The following FAT1 variants were observed in gnomAD, a reference collection of about 807,000 sequenced individuals.
FAT1 encodes FAT atypical cadherin 1, also known as protocadherin Fat 1.
In FAT1, 171 loss-of-function variants were observed where a neutral mutation model predicts 329.8. The ratio of observed to expected loss-of-function variants is 0.52; its 90% CI spans 0.46 to 0.59. The LOEUF (loss-of-function observed/expected upper bound fraction) is 0.59. Ranked by LOEUF, FAT1 falls within the 20% of genes least tolerant of loss-of-function variation. FAT1 has a pLI of 0.00. For missense variants in FAT1, 5,672 were observed against 5,774.4 expected, an observed-to-expected ratio of 0.98 and a Z score of 0.57; for synonymous variants, 2,233 against 2,228.6, an observed-to-expected ratio of 1.00 and a Z score of -0.06.
At chr4:186,664,852 G>T (rs542826872) in intron 2 of FAT1, among the ~76,000 whole-genome samples, 1 of 152,250 alleles carries the variant, frequency 6.6e-6, no homozygotes, top group South Asian at 2.1e-4. Context: ...GAAGTTTCCC[G>T]TTAAACGCAA....
At position 186,589,005 on chromosome 4, in the gene FAT1, G is replaced by T; in HGVS notation, c.13354C>A (p.Pro4452Thr). ...FPAADELPPLPPEFSNQFESI... is the reference protein window; with the variant it reads ...FPAADELPPLTPEFSNQFESI... Reference sequence around the variant, plus strand: ...TCAAACTGATTGCTGAATTCGGGCGGTAACGGTGGTAGCTCATCAGCTGCG... The same window carrying T: ...TCAAACTGATTGCTGAATTCGGGCGTTAACGGTGGTAGCTCATCAGCTGCG... The change falls in exon 27 of 27, where the codon CCG (proline) becomes ACG (threonine). Residue 4452 changes from proline (P) to threonine (T), a missense_variant. Around this residue, in one of 2 missense-constraint regions of FAT1, gnomAD observed 1,706 missense variants for 1,859.1 expected, o/e 0.92. Transcript: ENST00000441802. The T allele has an allele frequency of 1.2e-6, 2 of 1,614,006 alleles. No homozygotes were observed. Among genetic ancestry groups the T allele is most frequent in the Non-Finnish European group, 8.5e-7 (1 of 1,179,896 alleles).
chr4:186,636,025 C>T lies in FAT1; in HGVS notation c.4183G>A (p.Gly1395Ser). 2 of 1,613,768 alleles carry T rather than the reference C, an allele frequency of 1.2e-6. No homozygotes were observed. The highest frequency in any genetic ancestry group is 1.7e-6 in the Non-Finnish European group (2 of 1,179,752). ...AACGAAAATGAGGGGGAATGCTTACCAGTGATGTCAAACCAAAGGGGTATG... is the reference window on the plus strand; with the variant it reads ...AACGAAAATGAGGGGGAATGCTTACTAGTGATGTCAAACCAAAGGGGTATG... ...PGIPLWFDIT[G>S]GNYDSHFDVD... The change falls in exon 6 of 27, where the codon GGT (glycine) becomes AGT (serine). Residue 1395 changes from glycine to serine, a missense_variant and splice_region_variant. Gly to Ser is a moderately conservative substitution (Grantham distance 56). Around this residue, in one of 2 missense-constraint regions of FAT1, gnomAD observed 3,966 missense variants for 3,915.2 expected, o/e 1.01. Transcript: ENST00000441802.
At chr4:186,685,774 T>C (rs1743427717) in intron 2 of FAT1, among the ~76,000 whole-genome samples, 1 of 152,204 alleles carries the variant, frequency 6.6e-6, no homozygotes, top group Non-Finnish European at 1.5e-5. Context: ...TGAGCATTGC[T>C]CTCTCTACTA....
intron 17 of FAT1, among the ~76,000 whole-genome samples, chr4:186,605,093 C>A (rs1739040031): frequency 6.6e-6 from 1 of 151,598 alleles, no homozygotes; most frequent in South Asian, 2.1e-4. Context: ...GTGGTGGGTG[C>A]CTGTAATCTC....
At chr4:186,627,082 C>A (rs1740346219) in intron 9 of FAT1, among the ~76,000 whole-genome samples, 1 of 115,954 alleles carries the variant, frequency 8.6e-6, no homozygotes, top group Admixed American at 9.2e-5. Flanking sequence ...CACCAGCCCA[C>A]AGAATGAATG....
chr4:186,725,637 A>G (rs556995822), upstream of FAT1, among the ~76,000 whole-genome samples: 156 of 152,160 alleles, frequency 1.0e-3, no homozygotes, highest in Admixed American at 4.5e-3. This position sits in a 1 kb window ranked among gnomAD's most constrained non-coding sequence, Gnocchi z 5.4. Flanking sequence ...ACTGATCCTT[A>G]AGCGCCAACA....
In FAT1 at chr4:186,596,684, T is replaced by C. The variant is rs969898804; in HGVS notation, c.12856A>G (p.Thr4286Ala). The change falls in exon 25 of 27, where the codon ACT becomes GCT. Residue 4286 changes from threonine to alanine, a missense_variant. Coordinates refer to ENST00000441802, the MANE Select transcript of FAT1 (RefSeq NM_005245.4). The surrounding 1 kb of genome is among the most constrained non-coding windows in gnomAD (Gnocchi z 4.7). ...CCGTGCACAGACTCGGGGTTAAAAG[T>C]GCTGAATTCGGGATGCTCTGGGATA... ...SAIPEHPEFSTFNPESVHGHR... is the reference protein window; with the variant it reads ...SAIPEHPEFSAFNPESVHGHR... The C allele has an allele frequency of 1.2e-6, 2 of 1,613,178 alleles. No homozygotes were observed. Among genetic ancestry groups the C allele is most frequent in the Non-Finnish European group, 1.7e-6 (2 of 1,179,392 alleles).
chr4:186,714,252 A>T (rs559705335), intron 1 of FAT1, among the ~76,000 whole-genome samples: 1 of 135,678 alleles, frequency 7.4e-6, no homozygotes, highest in Non-Finnish European at 1.6e-5. Flanking sequence ...TTGTGAATCT[A>T]TTTCAAGGTT....
At chr4:186,623,799 G>A (rs1368486670) in intron 9 of FAT1, among the ~76,000 whole-genome samples, 1 of 152,208 alleles carries the variant, frequency 6.6e-6, no homozygotes, top group South Asian at 2.1e-4. Flanking sequence ...CTGTCTCATC[G>A]CCCTGTGTTT....
chr4:186,627,502 G>A (rs1405478437), intron 9 of FAT1, among the ~76,000 whole-genome samples: 3 of 151,972 alleles, frequency 2.0e-5, no homozygotes, highest in Non-Finnish European at 1.5e-5. Flanking sequence ...TCCCGGAACC[G>A]TCCAGGACCG....
Position 186,590,215 on chromosome 4 carries a change from C to T in FAT1, c.13139-995G>A, listed in dbSNP as rs114305240. Among the ~76,000 whole-genome samples, 550 of 152,034 alleles carry T rather than the reference C, an allele frequency of 3.6e-3. 8 individuals carry two copies. Among genetic ancestry groups the T allele is most frequent in the African/African-American group, 0.013 (521 of 41,474 alleles). On this transcript the variant is annotated intron_variant, in intron 26 of 26. Coordinates refer to ENST00000441802, the MANE Select transcript of FAT1 (RefSeq NM_005245.4). Reference sequence around the variant, plus strand: ...AGAGGCGGGAGAAGGTTAGGCAATCCGTGCTTCAAATGCAATGCGCACACA... The same window carrying T: ...AGAGGCGGGAGAAGGTTAGGCAATCTGTGCTTCAAATGCAATGCGCACACA...
intron 2 of FAT1, among the ~76,000 whole-genome samples, chr4:186,669,609 T>C (rs1339563384): frequency 2.6e-5 from 4 of 152,160 alleles, no homozygotes; most frequent in Non-Finnish European, 1.5e-5. Context: ...AAACATACTC[T>C]CCAGGATTTC....
intron 2 of FAT1, among the ~76,000 whole-genome samples, chr4:186,668,301 A>G (rs538209677): frequency 9.9e-5 from 15 of 152,270 alleles, no homozygotes; most frequent in African/African-American, 3.6e-4. Flanking sequence ...CCCATCTTGA[A>G]TCAGAGGCAA....
intron 26 of FAT1, among the ~76,000 whole-genome samples, chr4:186,589,451 G>C (rs529355216): frequency 6.6e-6 from 1 of 152,268 alleles, no homozygotes; most frequent in Admixed American, 6.5e-5. Flanking sequence ...ACAGTTTTAT[G>C]TACGCAACTA....
chr4:186,604,351 C>G (rs1738987529), intron 18 of FAT1, 26 bp downstream of exon 18: 2 of 1,593,100 alleles, frequency 1.3e-6, no homozygotes, highest in Non-Finnish European at 1.7e-6. Context: ...AATCCACAAC[C>G]AAACCACAAA....
intron 3 of FAT1, among the ~76,000 whole-genome samples, chr4:186,662,839 T>A (rs1560975285): frequency 6.7e-6 from 1 of 148,274 alleles, no homozygotes; most frequent in African/African-American, 2.6e-5. Flanking sequence ...ACATTTAAGC[T>A]AATTTTTTTT....
In FAT1 at chr4:186,604,534, A is replaced by G. The variant is rs772279363; in HGVS notation, c.10391T>C (p.Val3464Ala). The change falls in exon 18 of 27, where the codon GTA becomes GCA. Residue 3464 changes from valine to alanine, a missense_variant. Transcript: ENST00000441802. The part of the protein sequence containing the change: ...PVGFSVLQLV[V>A]TDEDSSHNGP... ...GTTATGGGAAGAATCCTCATCTGTT[A>G]CTACCAGCTGCAGCACGCTGAAGCC... 6.2e-6 allele frequency: 10 copies of G among 1,613,388 alleles called. No homozygotes were observed. The South Asian group carries it at 1.1e-4, about 18-fold the overall frequency.
Position 186,618,362 on chromosome 4 carries a change from T to C in FAT1, c.8224A>G (p.Thr2742Ala), listed in dbSNP as rs1462871103. ...TVLYSLVKGNTPESNRDESFV... is the reference protein window; with the variant it reads ...TVLYSLVKGNAPESNRDESFV... ...GACTCATCCCTATTGCTTTCTGGAG[T>C]ATTCCCTTTGACCAGGCTGTAAAGA... The change falls in exon 10 of 27, where the codon ACT becomes GCT. Residue 2742 changes from threonine to alanine, a missense_variant. Coordinates refer to ENST00000441802, the MANE Select transcript of FAT1 (RefSeq NM_005245.4). 1 of 1,613,874 alleles carries C rather than the reference T, an allele frequency of 6.2e-7. No homozygotes were observed. Among genetic ancestry groups the C allele is most frequent in the Non-Finnish European group, 8.5e-7 (1 of 1,179,898 alleles).
Position 186,588,360 on chromosome 4 carries a change from CAGATGTAAATCCCAAA to C in FAT1, c.*216_*231del, listed in dbSNP as rs1233290942. On this transcript the variant is annotated 3_prime_UTR_variant, in exon 27 of 27. Transcript: ENST00000441802. ...TTTCGTTTGATTATTTTAACACAGA[CAGATGTAAATCCCAAA>C]AGACGTTGGGAAATGGCACAGCCGA... 10 of 516,450 alleles carry C rather than the reference CAGATGTAAATCCCAAA, an allele frequency of 1.9e-5. No individual in the cohort carries two copies. The highest frequency in any genetic ancestry group is 3.4e-5 in the Non-Finnish European group (10 of 295,436). The allele number at this position is 516,450 out of a possible 1,614,324, so 32.0% of individuals were successfully genotyped here.
Sources: allele counts gnomAD v4.1 joint callset (sites outside exome capture counted in the v4.1 genomes callset), GRCh38; gene constraint gnomAD v4.1.1; regional missense constraint gnomAD v4.1.1; non-coding constraint Gnocchi (gnomAD v3.1); transcripts MANE v1.5; gene names NCBI Gene and HGNC (gene_info 2026-07-23, HGNC 2026-07-21).